Variants in DTD1 observed in about 807,000 individuals in gnomAD.
DTD1 encodes the protein D-aminoacyl-tRNA deacylase 1, also known as D-tyrosyl-tRNA deacylase 1 homolog.
A neutral mutation model predicts 25.6 loss-of-function variants in DTD1; 13 were observed. The observed-to-expected ratio is 0.51, with a 90% CI of 0.33 to 0.81. The LOEUF (loss-of-function observed/expected upper bound fraction) is 0.81. Ranked by LOEUF, DTD1 falls within the 30% of genes least tolerant of loss-of-function variation. DTD1 has a pLI of 0.02. For missense variants in DTD1, 193 were observed against 266.4 expected, an observed-to-expected ratio of 0.72 and a Z score of 1.92; for synonymous variants, 110 against 103.6, an observed-to-expected ratio of 1.06 and a Z score of -0.37.
intron 3 of DTD1, among the ~76,000 whole-genome samples, chr20:18,601,363 G>A (rs868764150): frequency 3.9e-5 from 6 of 152,034 alleles, no homozygotes; most frequent in Middle Eastern, 6.3e-3. Context: ...GCCAGGTGTG[G>A]TAGCACGCAC....
intron 4 of DTD1, among the ~76,000 whole-genome samples, chr20:18,696,876 C>G (rs372663457): frequency 6.6e-6 from 1 of 150,808 alleles, no homozygotes; most frequent in Admixed American, 6.6e-5. Context: ...TTTACTGCTT[C>G]CATTTAAAAT....
rs1446810244 is a variant in DTD1, at chr20:18,654,437, T to A, written c.477+26204T>A. ...TTACCTGGTCTTGAGTATTTCTTTA[T>A]AGCAGTATGAAAATGGACTAATGCA... is the stretch of plus-strand genomic sequence containing the variant. On this transcript the variant is annotated intron_variant, in intron 4 of 5. Transcript: ENST00000377452. Among the ~76,000 whole-genome samples, 4 of 152,250 alleles carry A rather than the reference T, an allele frequency of 2.6e-5. No homozygotes were observed. In the South Asian group the frequency reaches 8.3e-4, roughly 32 times the overall value.
At chr20:18,617,011 C>A (rs1316446415) in intron 3 of DTD1, among the ~76,000 whole-genome samples, 1 of 152,314 alleles carries the variant, frequency 6.6e-6, no homozygotes, top group Middle Eastern at 3.4e-3. Flanking sequence ...CTTTCCCCCT[C>A]CTGTCCTTAT....
At chr20:18,632,986 G>T (rs2060794464) in intron 4 of DTD1, among the ~76,000 whole-genome samples, 1 of 152,184 alleles carries the variant, frequency 6.6e-6, no homozygotes, top group Non-Finnish European at 1.5e-5. Flanking sequence ...CTGCTGCCCA[G>T]CCTGTGCAGC....
At chr20:18,691,464 C>G (rs1466739002) in intron 4 of DTD1, among the ~76,000 whole-genome samples, 2 of 152,178 alleles carry the variant, frequency 1.3e-5, no homozygotes, top group Admixed American at 1.3e-4. Context: ...TCCTTTGCAG[C>G]AACATGGATG....
At chr20:18,650,466 C>A (rs987918664) in intron 4 of DTD1, among the ~76,000 whole-genome samples, 1 of 152,200 alleles carries the variant, frequency 6.6e-6, no homozygotes, top group Non-Finnish European at 1.5e-5. Context: ...CCCTCCTGCT[C>A]TGTACTCCTG....
chr20:18,590,226 G>A (rs2060583658), intron 1 of DTD1, among the ~76,000 whole-genome samples: 1 of 152,160 alleles, frequency 6.6e-6, no homozygotes, highest in South Asian at 2.1e-4. Context: ...CACCCAGGCT[G>A]GAGTGCAGTG....
chr20:18,605,884 A>T (rs1425536602), intron 3 of DTD1, among the ~76,000 whole-genome samples: 1 of 150,468 alleles, frequency 6.6e-6, no homozygotes, highest in African/African-American at 2.5e-5. Flanking sequence ...CTTCATGTCC[A>T]AAACACCAAA....
At chr20:18,612,850 G>T (rs781444148) in intron 3 of DTD1, among the ~76,000 whole-genome samples, 6 of 152,018 alleles carry the variant, frequency 3.9e-5, no homozygotes, top group Admixed American at 3.3e-4. Flanking sequence ...GTAGAAGCAG[G>T]GTTTCACCAT....
At chr20:18,675,075 C>T (rs532588566) in intron 4 of DTD1, 3 of 152,372 alleles carry the variant, frequency 2.0e-5, no homozygotes, top group South Asian at 2.1e-4. Flanking sequence ...GTTGGGGCCT[C>T]GGTCCACTGT....
intron 4 of DTD1, among the ~76,000 whole-genome samples, chr20:18,681,551 C>G (rs753666657): frequency 1.2e-4 from 18 of 152,190 alleles, no homozygotes; most frequent in African/African-American, 4.3e-4. Flanking sequence ...TGGAGAAGAA[C>G]AAGGACAGGA....
intron 4 of DTD1, among the ~76,000 whole-genome samples, chr20:18,665,203 G>A (rs1454979590): frequency 6.6e-6 from 1 of 152,216 alleles, no homozygotes; most frequent in African/African-American, 2.4e-5. Context: ...GCTGCTGAGA[G>A]GAAGGTGGGT....
chr20:18,758,136 A>G (rs2061346826), intron 5 of DTD1, among the ~76,000 whole-genome samples: 1 of 150,406 alleles, frequency 6.6e-6, no homozygotes. Context: ...ATCATTTTTT[A>G]TTGCATCTAT....
intron 3 of DTD1, among the ~76,000 whole-genome samples, chr20:18,626,784 A>C (rs992286906): frequency 6.6e-6 from 1 of 152,232 alleles, no homozygotes; most frequent in African/African-American, 2.4e-5. Context: ...AAAGAAAATA[A>C]ATTTCTCACT....
At chr20:18,743,518 A>C (rs988745373) in intron 4 of DTD1, among the ~76,000 whole-genome samples, 1 of 151,682 alleles carries the variant, frequency 6.6e-6, no homozygotes, top group Non-Finnish European at 1.5e-5. Flanking sequence ...ACATGGTGAA[A>C]CTCTGTTTCT....
chr20:18,619,203 C>T (rs1568647897), intron 3 of DTD1, among the ~76,000 whole-genome samples: 1 of 152,122 alleles, frequency 6.6e-6, no homozygotes, highest in Non-Finnish European at 1.5e-5. Flanking sequence ...GTGCTTTATA[C>T]ATGCTATGAG....
intron 4 of DTD1, among the ~76,000 whole-genome samples, chr20:18,661,579 G>A (rs1457698568): frequency 6.6e-6 from 1 of 152,106 alleles, no homozygotes; most frequent in East Asian, 1.9e-4. Context: ...CACCGTGTTA[G>A]CCAGGATGGT....
At position 18,744,133 on chromosome 20, in the gene DTD1, G is replaced by T. The variant is rs1027945337; in HGVS notation, c.511G>T (p.Glu171Ter). ...SKLEKQQQRK[E>*]KTRAKGPSES... ...GCTCGAAAAACAGCAGCAGAGGAAA[G>T]AAAAGACCAGAGCTAAGGGACCTTC... The change falls in exon 5 of 6, where the codon GAA (glutamate) becomes TAA (stop). Residue 171 changes from glutamate to a stop codon, truncating the protein, a stop_gained. Coordinates refer to ENST00000377452, the MANE Select transcript of DTD1 (RefSeq NM_080820.6). LOFTEE classifies it high-confidence loss of function. 1 of 1,611,910 alleles carries T rather than the reference G, an allele frequency of 6.2e-7. No individual in the cohort carries two copies. Among genetic ancestry groups the T allele is most frequent in the Non-Finnish European group, 8.5e-7 (1 of 1,179,822 alleles).
chr20:18,758,033 T>G (rs1003358783), intron 5 of DTD1, among the ~76,000 whole-genome samples: 1 of 152,264 alleles, frequency 6.6e-6, no homozygotes, highest in Non-Finnish European at 1.5e-5. Context: ...TATCCATTTC[T>G]TCTAGATTTT....
Sources: allele counts gnomAD v4.1 joint callset (sites outside exome capture counted in the v4.1 genomes callset), GRCh38; gene constraint gnomAD v4.1.1; transcripts MANE v1.5; gene names NCBI Gene and HGNC (gene_info 2026-07-23, HGNC 2026-07-21).